Variants in BCL2L1 observed in about 807,000 individuals in gnomAD.
BCL2L1 encodes BCL2 like 1.
In BCL2L1, 1 loss-of-function variant was observed where a neutral mutation model predicts 18.7. That is an observed-to-expected ratio of 0.05 (90% confidence interval 0.02 to 0.25). The LOEUF is 0.25. BCL2L1 is among the 10% of genes least tolerant of loss of function. The probability of loss-of-function intolerance (pLI) is 1.00; values close to 1 mark genes in which losing one functional copy is unlikely to be tolerated. For missense variants in BCL2L1, 207 were observed against 304.9 expected, an observed-to-expected ratio of 0.68 and a Z score of 2.39; for synonymous variants, 103 against 122.7, an observed-to-expected ratio of 0.84 and a Z score of 1.06.
chr20:31,665,619 G>T lies in BCL2L1; in HGVS notation c.*330C>A. ...GCTCCCTGGCAGAAAAACATTTTCA[G>T]GGAGGCTAAGGGGTAAGGGTTGCAC... On this transcript the variant is annotated 3_prime_UTR_variant, in exon 3 of 3. Transcript: ENST00000307677. 1 of 292,916 alleles carries T rather than the reference G, an allele frequency of 3.4e-6. No individual in the cohort carries two copies. Among genetic ancestry groups the T allele is most frequent in the Non-Finnish European group, 6.4e-6 (1 of 157,092 alleles). The allele number at this position is 292,916 out of a possible 1,614,324, so 18.1% of individuals were successfully genotyped here.
intron 2 of BCL2L1, chr20:31,713,374 C>G: frequency 1.0e-6 from 1 of 985,318 alleles, no homozygotes; most frequent in Non-Finnish European, 1.2e-6. Context: ...AAGGCAGGGA[C>G]ACGTCCAAAA....
At chr20:31,720,605 T>G in intron 2 of BCL2L1, 2 of 985,362 alleles carry the variant, frequency 2.0e-6, no homozygotes. Flanking sequence ...GGAAAGGGAA[T>G]TTGCTGGTGT....
chr20:31,698,607 T>C (rs566348447), intron 2 of BCL2L1, among the ~76,000 whole-genome samples: 1 of 151,212 alleles, frequency 6.6e-6, no homozygotes, highest in Admixed American at 6.6e-5. Context: ...GGTGTGAACA[T>C]GGCTCACTGC....
chr20:31,689,082 T>C (rs2061011060), intron 2 of BCL2L1, among the ~76,000 whole-genome samples: 1 of 150,404 alleles, frequency 6.6e-6, no homozygotes, highest in African/African-American at 2.5e-5. Flanking sequence ...AAGAATACCA[T>C]TAAAATAAAA....
At chr20:31,716,981 A>G (rs1017051874) in intron 2 of BCL2L1, among the ~76,000 whole-genome samples, 1 of 152,226 alleles carries the variant, frequency 6.6e-6, no homozygotes, top group African/African-American at 2.4e-5. Context: ...AGAAGAGAAG[A>G]GGATCCAGGA....
intron 2 of BCL2L1, among the ~76,000 whole-genome samples, chr20:31,688,388 G>A (rs1418644984): frequency 7.5e-5 from 11 of 146,650 alleles, no homozygotes; most frequent in African/African-American, 1.8e-4. Context: ...AGGTTGCAGT[G>A]AGCCAAGATC....
At chr20:31,705,918 C>T (rs955342103) in intron 2 of BCL2L1, among the ~76,000 whole-genome samples, 3 of 152,048 alleles carry the variant, frequency 2.0e-5, no homozygotes, top group East Asian at 1.9e-4. Context: ...CTCATGTATG[C>T]ACCTGCTGCT....
intron 2 of BCL2L1, among the ~76,000 whole-genome samples, chr20:31,712,686 C>A (rs955004750): frequency 2.0e-5 from 3 of 152,102 alleles, no homozygotes; most frequent in Admixed American, 2.0e-4. Flanking sequence ...GACCAGGAGG[C>A]CAGTCTCTAG....
chr20:31,698,729 A>G (rs1482571415), intron 2 of BCL2L1, among the ~76,000 whole-genome samples: 1 of 151,890 alleles, frequency 6.6e-6, no homozygotes, highest in Non-Finnish European at 1.5e-5. Context: ...TTGTAGAGAC[A>G]GAGTTTCGCC....
chr20:31,682,039 G>C (rs1045002441), intron 2 of BCL2L1, among the ~76,000 whole-genome samples: 1 of 152,198 alleles, frequency 6.6e-6, no homozygotes, highest in Non-Finnish European at 1.5e-5. Flanking sequence ...CAGTGGGAGC[G>C]GGGGTCAGGG....
At chr20:31,671,148 A>G (rs930239478) in intron 2 of BCL2L1, among the ~76,000 whole-genome samples, 1 of 152,010 alleles carries the variant, frequency 6.6e-6, no homozygotes, top group African/African-American at 2.4e-5. Flanking sequence ...GCGACAGGCA[A>G]TGGCTAATGA....
At chr20:31,711,829 T>G (rs990932570) in intron 2 of BCL2L1, among the ~76,000 whole-genome samples, 6 of 152,136 alleles carry the variant, frequency 3.9e-5, no homozygotes, top group African/African-American at 1.4e-4. Flanking sequence ...TAAAAGGAGT[T>G]TGGTAAATTG....
At chr20:31,698,001 C>T (rs113074967) in intron 2 of BCL2L1, among the ~76,000 whole-genome samples, 10,055 of 151,840 alleles carry the variant, frequency 0.066, 339 homozygotes, top group Middle Eastern at 0.11. Flanking sequence ...AGTTTTCCTG[C>T]CTCAGCCTCC....
At chr20:31,688,476 G>GA (rs60445872) in intron 2 of BCL2L1, among the ~76,000 whole-genome samples, 1 of 149,562 alleles carries the variant, frequency 6.7e-6, no homozygotes, top group Non-Finnish European at 1.5e-5. Flanking sequence ...AAAAGAAAAA[G>GA]AAAAGAAAAG....
intron 2 of BCL2L1, among the ~76,000 whole-genome samples, chr20:31,685,268 C>T (rs1287021332): frequency 2.0e-5 from 3 of 151,936 alleles, no homozygotes; most frequent in Non-Finnish European, 2.9e-5. Context: ...GGCGTGGTGG[C>T]GGGTGTCTGT....
chr20:31,716,660 A>C (rs537415190), intron 2 of BCL2L1: 1 of 152,310 alleles, frequency 6.6e-6, no homozygotes, highest in South Asian at 2.1e-4. Context: ...GTGCTGAGGA[A>C]ACAAGCATGG....
intron 2 of BCL2L1, among the ~76,000 whole-genome samples, chr20:31,679,029 G>A (rs575581902): frequency 6.6e-6 from 1 of 152,340 alleles, no homozygotes; most frequent in East Asian, 1.9e-4. Flanking sequence ...CACATCCACT[G>A]ACTGTCAGCC....
intron 2 of BCL2L1, among the ~76,000 whole-genome samples, chr20:31,709,333 G>A (rs966177333): frequency 1.9e-4 from 29 of 152,050 alleles, no homozygotes; most frequent in Non-Finnish European, 2.6e-4. Context: ...GTGTGTGCGC[G>A]CGTGCACGCG....
Position 31,722,014 on chromosome 20 carries a change from T to C in BCL2L1, c.205A>G (p.Thr69Ala). ...LADSPAVNGA[T>A]GHSSSLDARE... ...GCATCCAAACTGCTGCTGTGGCCAG[T>C]GGCTCCATTCACCGCGGGGCTGTCT... Residue 69 changes from threonine to alanine, a missense_variant, in exon 2 of 3, where the codon ACT becomes GCT. Physicochemically the swap from Thr to Ala is moderately conservative, Grantham distance 58 (BLOSUM62 0). Coordinates refer to ENST00000307677, the MANE Select transcript of BCL2L1 (RefSeq NM_138578.3). The C allele has an allele frequency of 6.2e-7, 1 of 1,613,714 alleles. No individual in the cohort carries two copies. Among genetic ancestry groups the C allele is most frequent in the South Asian group, 1.1e-5 (1 of 91,048 alleles).
Sources: gnomAD v4.1 joint callset for allele counts (sites outside exome capture counted in the v4.1 genomes callset) on GRCh38, gnomAD v4.1.1 for gene constraint, MANE v1.5 for transcripts, NCBI Gene and HGNC (gene_info 2026-07-23, HGNC 2026-07-21) for gene names.